TM4SF4: variants seen among roughly 807,000 people sequenced by gnomAD.
The protein encoded by TM4SF4 is transmembrane 4 L6 family member 4.
A neutral mutation model predicts 24.1 loss-of-function variants in TM4SF4; 24 were observed. That is an observed-to-expected ratio of 1.00 (90% CI 0.72 to 1.40). TM4SF4 has a LOEUF of 1.40. Among genes scored for constraint, TM4SF4 ranks in the 40% most tolerant of loss-of-function variants. The probability of loss-of-function intolerance (pLI) is 0.00; values close to 1 mark genes in which losing one functional copy is unlikely to be tolerated. For missense variants in TM4SF4, 254 were observed against 254.2 expected (o/e 1.00, Z 0.01); for synonymous variants, 113 against 97.0 (o/e 1.17, Z -0.97).
At chr3:149,486,624 A>G (rs1449364475) in intron 2 of TM4SF4, among the ~76,000 whole-genome samples, 3 of 152,226 alleles carry the variant, frequency 2.0e-5, no homozygotes, top group Admixed American at 2.0e-4. Flanking sequence ...TGATTTTATA[A>G]TTGAAAACAA....
intron 3 of TM4SF4, among the ~76,000 whole-genome samples, chr3:149,497,980 A>G (rs1734342843): frequency 6.6e-6 from 1 of 152,206 alleles, no homozygotes; most frequent in Admixed American, 6.5e-5. Flanking sequence ...CTCTTTATAT[A>G]ATAAAATATA....
intron 2 of TM4SF4, 119 bp downstream of exon 2, chr3:149,476,031 G>C: frequency 3.7e-6 from 3 of 816,130 alleles, no homozygotes; most frequent in Non-Finnish European, 6.1e-6. Flanking sequence ...GGAGCAGCTG[G>C]TGAAGGGATA....
At position 149,498,717 on chromosome 3, in the gene TM4SF4, A is replaced by C. The variant is rs374409464; in HGVS notation, c.402-5A>C. On this transcript the variant is annotated splice_region_variant and splice_polypyrimidine_tract_variant and intron_variant, in intron 3 of 4. Coordinates refer to ENST00000305354, the MANE Select transcript of TM4SF4 (RefSeq NM_004617.4). ...TGTTTCCTTTGTCCCCTATATCACC[A>C]ACAGGGATTATCTCAATGATGAGGC... 3.7e-6 allele frequency: 6 copies of C among 1,613,630 alleles called. No individual in the cohort carries two copies. The African/African-American group carries it at 6.7e-5, about 18-fold the overall frequency.
chr3:149,490,823 CA>C (rs1234557685), intron 3 of TM4SF4, among the ~76,000 whole-genome samples: 1 of 152,132 alleles, frequency 6.6e-6, no homozygotes, highest in African/African-American at 2.4e-5. Flanking sequence ...TTGTATGAGC[CA>C]AAAACAAGAA....
chr3:149,480,913 G>A (rs77353824), intron 2 of TM4SF4, among the ~76,000 whole-genome samples: 2,093 of 152,066 alleles, frequency 0.014, 48 homozygotes, highest in African/African-American at 0.048. Context: ...TGGTGTGCAA[G>A]AGGTTGGCGC....
intron 3 of TM4SF4, chr3:149,494,585 A>T (rs1734277950): frequency 6.6e-6 from 1 of 152,098 alleles, no homozygotes; most frequent in African/African-American, 2.4e-5. Context: ...ATGTTGGAAA[A>T]AAAAAGGCAT....
At chr3:149,487,533 A>T in intron 2 of TM4SF4, 86 bp from the exon 3 acceptor site, 1 of 1,526,194 alleles carries the variant, frequency 6.6e-7, no homozygotes, top group South Asian at 1.2e-5. Flanking sequence ...TGTAGTCACC[A>T]TGTTCAACAG....
At chr3:149,497,996 A>G (rs1268583196) in intron 3 of TM4SF4, among the ~76,000 whole-genome samples, 4 of 152,218 alleles carry the variant, frequency 2.6e-5, no homozygotes, top group African/African-American at 9.6e-5. Flanking sequence ...ATATAAATAT[A>G]TTGCAGTTTC....
In TM4SF4 at chr3:149,474,994, C is replaced by G. The variant is rs374035904; in HGVS notation, c.117C>G (p.Asn39Lys). Reference protein sequence around the residue: ...FFPGGKVIDDNDHLSQEIWFF... With the variant: ...FFPGGKVIDDKDHLSQEIWFF... ...CTGGAGGAAAAGTGATAGATGACAACGACCACCTTTCCCAAGAGATCTGGT... is the reference window on the plus strand; with the variant it reads ...CTGGAGGAAAAGTGATAGATGACAAGGACCACCTTTCCCAAGAGATCTGGT... The change falls in exon 1 of 5, where the codon AAC becomes AAG. Residue 39 changes from asparagine (N) to lysine (K), a missense_variant. Coordinates refer to ENST00000305354, the MANE Select transcript of TM4SF4 (RefSeq NM_004617.4). 2 of 1,613,714 alleles carry G rather than the reference C, an allele frequency of 1.2e-6. No homozygotes were observed. The highest frequency in any genetic ancestry group is 8.5e-7 in the Non-Finnish European group (1 of 1,179,862).
At chr3:149,484,076 G>C (rs4681175) in intron 2 of TM4SF4, among the ~76,000 whole-genome samples, 1 of 151,838 alleles carries the variant, frequency 6.6e-6, no homozygotes, top group Non-Finnish European at 1.5e-5. Context: ...CCACTGTGCC[G>C]GGCCCGTTTA....
intron 3 of TM4SF4, chr3:149,496,008 G>GA (rs1734304429): frequency 7.7e-6 from 2 of 258,890 alleles, no homozygotes; most frequent in Non-Finnish European, 1.5e-5. Flanking sequence ...AAGGCTAAGT[G>GA]AATATTGTTC....
At chr3:149,480,776 G>A (rs904446155) in intron 2 of TM4SF4, among the ~76,000 whole-genome samples, 1 of 152,030 alleles carries the variant, frequency 6.6e-6, no homozygotes, top group East Asian at 1.9e-4. Context: ...ATAAAGTATG[G>A]AATTTTATTT....
chr3:149,476,584 C>T (rs1209550155), intron 2 of TM4SF4, among the ~76,000 whole-genome samples: 1 of 152,154 alleles, frequency 6.6e-6, no homozygotes, highest in Non-Finnish European at 1.5e-5. Context: ...TGCTCTGCCT[C>T]CCTTTGCTCA....
intron 3 of TM4SF4, among the ~76,000 whole-genome samples, chr3:149,490,474 C>T (rs899623025): frequency 1.4e-4 from 22 of 152,216 alleles, no homozygotes; most frequent in African/African-American, 5.3e-4. Flanking sequence ...AGAGGCAGGA[C>T]AGCCAAGGCC....
At chr3:149,498,139 A>G (rs1475570027) in intron 3 of TM4SF4, among the ~76,000 whole-genome samples, 1 of 152,218 alleles carries the variant, frequency 6.6e-6, no homozygotes, top group Non-Finnish European at 1.5e-5. Flanking sequence ...CAAATTCACA[A>G]TTTGGTTAAA....
intron 2 of TM4SF4, among the ~76,000 whole-genome samples, chr3:149,479,350 CT>C (rs1372184683): frequency 6.8e-6 from 1 of 147,276 alleles, no homozygotes; most frequent in Non-Finnish European, 1.5e-5. Context: ...ATAATCATTT[CT>C]TTTTCTTTTC....
At chr3:149,495,599 T>C in intron 3 of TM4SF4, 2 of 346,010 alleles carry the variant, frequency 5.8e-6, no homozygotes, top group South Asian at 6.2e-5. Flanking sequence ...GCAACATTGC[T>C]GGTAACAGCA....
Position 149,498,912 on chromosome 3 carries a change from G to A in TM4SF4, c.591+1G>A. ...CTGCCAGTGTTGTGGCTGCTGTGGG[G>A]TAAGTTCAGGCTTTTGCTGTTTCTT... On this transcript the variant is annotated splice_donor_variant, in intron 4 of 4. Transcript: ENST00000305354. LOFTEE classifies it high-confidence loss of function. The A allele has an allele frequency of 6.2e-7, 1 of 1,613,740 alleles. No homozygotes were observed.
rs558975289 is a variant in TM4SF4, at chr3:149,479,042, C to T, written c.264+3130C>T. ...TTAACCTCCCAAAGTGCTGGGATTA[C>T]AGGCGTGAGCCACTGCGCCTGGCCG... is the stretch of plus-strand genomic sequence containing the variant. On this transcript the variant is annotated intron_variant, in intron 2 of 4. Transcript: ENST00000305354. Among the ~76,000 whole-genome samples the T allele has an allele frequency of 2.2e-4, 34 of 152,380 alleles. No homozygotes were observed. The South Asian group carries it at 6.8e-3, about 31-fold the overall frequency.
Sources: gnomAD v4.1 joint callset for allele counts (sites outside exome capture counted in the v4.1 genomes callset) on GRCh38, gnomAD v4.1.1 for gene constraint, MANE v1.5 for transcripts, NCBI Gene and HGNC (gene_info 2026-07-23, HGNC 2026-07-21) for gene names.